The following SYBU variants were observed in gnomAD, a reference collection of about 807,000 sequenced individuals.
SYBU encodes syntabulin, also known as GOLSYN A protein.
A neutral mutation model predicts 35.9 loss-of-function variants in SYBU; 21 were observed. The ratio of observed to expected loss-of-function variants is 0.58; its 90% CI spans 0.41 to 0.84. SYBU has a LOEUF of 0.84. SYBU is among the 40% of genes least tolerant of loss of function. The pLI, the probability that SYBU is intolerant of heterozygous loss-of-function variation, is 0.00. For missense variants in SYBU, 768 were observed against 848.2 expected (o/e 0.91, Z 1.17); for synonymous variants, 319 against 324.3 (o/e 0.98, Z 0.18).
At chr8:109,624,326 T>C (rs142551619) in intron 2 of SYBU, among the ~76,000 whole-genome samples, 71 of 152,336 alleles carry the variant, frequency 4.7e-4, no homozygotes, top group African/African-American at 1.4e-3. Context: ...AATTAGCATA[T>C]ATTTTTATTG....
intron 3 of SYBU, among the ~76,000 whole-genome samples, chr8:109,615,113 C>T (rs1811593942): frequency 6.6e-6 from 1 of 152,098 alleles, no homozygotes; most frequent in Non-Finnish European, 1.5e-5. Context: ...CAGCAGTGTT[C>T]CAGAATCTAG....
intron 4 of SYBU, among the ~76,000 whole-genome samples, chr8:109,583,964 ATG>A (rs1259347627): frequency 6.7e-6 from 1 of 148,888 alleles, no homozygotes; most frequent in African/African-American, 2.5e-5. Context: ...ACCCACCTAC[ATG>A]CCCGGCTAAT....
intron 1 of SYBU, among the ~76,000 whole-genome samples, chr8:109,677,295 G>A (rs1817228196): frequency 6.6e-6 from 1 of 152,102 alleles, no homozygotes; most frequent in Non-Finnish European, 1.5e-5. Context: ...AATTTGAAAT[G>A]CATTCTGTGG....
At chr8:109,679,479 AC>A (rs1232266386) in intron 1 of SYBU, among the ~76,000 whole-genome samples, 1 of 152,164 alleles carries the variant, frequency 6.6e-6, no homozygotes, top group Admixed American at 6.5e-5. Flanking sequence ...CTGGATCGGG[AC>A]CCCTTTCTGG....
chr8:109,690,471 A>T (rs765566108), intron 1 of SYBU, among the ~76,000 whole-genome samples: 2 of 152,204 alleles, frequency 1.3e-5, no homozygotes, highest in South Asian at 4.1e-4. Context: ...TCCAGATGTT[A>T]TAGCTGCCCT....
chr8:109,684,712 C>T (rs969997493), upstream of SYBU, among the ~76,000 whole-genome samples: 4 of 152,040 alleles, frequency 2.6e-5, no homozygotes, highest in African/African-American at 9.7e-5. Flanking sequence ...CACTGGAGTC[C>T]CCACAAAACC....
rs2131153575 is a variant in SYBU at position 109,574,429 on chromosome 8, T to C, written c.*477A>G. 6.5e-6 allele frequency: 1 copy of C among 153,404 alleles called. No individual in the cohort carries two copies. The highest frequency in any genetic ancestry group is 2.1e-4 in the South Asian group (1 of 4,844). 9.5% of individuals were successfully genotyped at this position (153,404 alleles called of 1,614,324 possible). A position where few individuals can be genotyped will look rare whatever the true frequency, so the allele number is the denominator to read the frequency against. ...ATCTTATCAACCCCAAGTAAGACAG[T>C]AAAGAGCTATTCAAGACTTCTTCAA... On this transcript the variant is annotated 3_prime_UTR_variant, in exon 7 of 7. Transcript: ENST00000276646.
chr8:109,664,534 T>C (rs1012110279), intron 1 of SYBU, among the ~76,000 whole-genome samples: 3 of 152,162 alleles, frequency 2.0e-5, no homozygotes, highest in African/African-American at 7.2e-5. Context: ...AAGCTACTTT[T>C]TTTTCTCAGA....
intron 4 of SYBU, among the ~76,000 whole-genome samples, chr8:109,582,165 C>T (rs1407122292): frequency 2.0e-5 from 3 of 152,154 alleles, no homozygotes; most frequent in South Asian, 2.1e-4. Context: ...AATTTTATTA[C>T]GAGTTAACTT....
At chr8:109,591,946 G>A (rs1824327235) in intron 3 of SYBU, among the ~76,000 whole-genome samples, 1 of 151,990 alleles carries the variant, frequency 6.6e-6, no homozygotes, top group African/African-American at 2.4e-5. Context: ...GTGGTGCCTT[G>A]AGGAATGAAT....
At chr8:109,622,323 C>G (rs182558906) in intron 2 of SYBU, among the ~76,000 whole-genome samples, 4 of 152,188 alleles carry the variant, frequency 2.6e-5, no homozygotes, top group Non-Finnish European at 5.9e-5. Context: ...ATGCCACCTC[C>G]TGGGTTCAAG....
chr8:109,645,199 T>G, upstream of SYBU: 2 of 456,664 alleles, frequency 4.4e-6, no homozygotes, highest in South Asian at 1.5e-5. Context: ...AGTTTTCCCC[T>G]GGCCACCCCT....
At chr8:109,627,735 A>G (rs548696875) in intron 2 of SYBU, among the ~76,000 whole-genome samples, 2 of 152,354 alleles carry the variant, frequency 1.3e-5, no homozygotes, top group South Asian at 4.1e-4. Flanking sequence ...TTAAAAACAG[A>G]CAAAGGAAGC....
chr8:109,583,921 G>C (rs1823324663), intron 4 of SYBU, among the ~76,000 whole-genome samples: 1 of 151,988 alleles, frequency 6.6e-6, no homozygotes, highest in Admixed American at 6.5e-5. Context: ...CAATTCTCCT[G>C]CCTCAACTTT....
chr8:109,661,247 C>T (rs1235116523), intron 1 of SYBU, among the ~76,000 whole-genome samples: 1 of 152,130 alleles, frequency 6.6e-6, no homozygotes, highest in Non-Finnish European at 1.5e-5. Context: ...TCTGTGGTCT[C>T]CAAAGTTCAG....
intron 1 of SYBU, among the ~76,000 whole-genome samples, chr8:109,652,643 AT>A (rs1339043050): frequency 1.3e-5 from 2 of 151,852 alleles, no homozygotes; most frequent in South Asian, 2.1e-4. Flanking sequence ...TGTTCATGAA[AT>A]TTTTTTTTGA....
Position 109,574,740 on chromosome 8 carries a change from A to G in SYBU, c.*166T>C, listed in dbSNP as rs1345283415. 1.5e-6 allele frequency: 1 copy of G among 650,436 alleles called. No individual in the cohort carries two copies. Among genetic ancestry groups the G allele is most frequent in the Non-Finnish European group, 2.3e-6 (1 of 425,862 alleles). 40.3% of individuals were successfully genotyped at this position (650,436 alleles called of 1,614,324 possible). A position where few individuals can be genotyped will look rare whatever the true frequency, so the allele number is the denominator to read the frequency against. Reference sequence around the variant, plus strand: ...ACCAGGTCTCCATGCCTTTGAAGATACCTCCGGTTTTAAACAGTGAACAGG... The same window carrying G: ...ACCAGGTCTCCATGCCTTTGAAGATGCCTCCGGTTTTAAACAGTGAACAGG... On this transcript the variant is annotated 3_prime_UTR_variant, in exon 7 of 7. Coordinates refer to ENST00000276646, the MANE Select transcript of SYBU (RefSeq NM_001099754.2).
chr8:109,649,722 T>C (rs551145789), upstream of SYBU, among the ~76,000 whole-genome samples: 1 of 152,234 alleles, frequency 6.6e-6, no homozygotes, highest in East Asian at 1.9e-4. Context: ...GGGTAGGATA[T>C]TTGTCAAAAA....
At chr8:109,648,646 ACACATCACGGTCCCT>A (rs1347845648), upstream of SYBU, 1 of 152,122 alleles carries the variant, frequency 6.6e-6, no homozygotes, top group Non-Finnish European at 1.5e-5. Flanking sequence ...AACAACCCAG[ACACATCACGGTCCCT>A]CACATTCACT....
Sources: gnomAD v4.1 joint callset for allele counts (sites outside exome capture counted in the v4.1 genomes callset) on GRCh38, gnomAD v4.1.1 for gene constraint, MANE v1.5 for transcripts, NCBI Gene and HGNC (gene_info 2026-07-23, HGNC 2026-07-21) for gene names.